BBS12: variants seen among roughly 807,000 people sequenced by gnomAD.
The protein encoded by BBS12 is chaperonin-containing T-complex member BBS12.
Under a neutral mutation model 5.6 loss-of-function variants are expected in BBS12, and 5 were observed. The ratio of observed to expected loss-of-function variants is 0.89; its 90% confidence interval spans 0.46 to 1.86. BBS12 has a LOEUF of 1.86. Among genes scored for constraint, BBS12 ranks in the 40% most tolerant of loss-of-function variants. The pLI is 0.01. For missense variants in BBS12, 748 were observed against 830.4 expected (o/e 0.90, Z 1.22); for synonymous variants, 308 against 306.8 (o/e 1.00, Z -0.04).
In BBS12 at chr4:122,743,818, AC is replaced by A; in HGVS notation, c.1927del (p.Leu643Ter). The A allele has an allele frequency of 6.2e-7, 1 of 1,608,874 alleles. No homozygotes were observed. The highest frequency in any genetic ancestry group is 2.2e-5 in the East Asian group (1 of 44,874). ...CTTACATCTTGAATGAATATAGTAA[AC>A]TAAATAGTAGAATTTTTAATTCAGA... The part of the protein sequence containing the change: ...SSYILNEYSK[L>X]NSRIFNSDIS... On this transcript the variant is annotated frameshift_variant, in exon 2 of 2. Transcript: ENST00000314218. LOFTEE classifies it high-confidence loss of function.
rs754293872 is a variant in BBS12 at position 122,742,755 on chromosome 4, A to C, written c.863A>C (p.Glu288Ala). Reference sequence around the variant, plus strand: ...CACAGCAGCATGAAGTTAGTAGAAGAAGCAGTACAGCTGCAATATCAGAAT... The same window carrying C: ...CACAGCAGCATGAAGTTAGTAGAAGCAGCAGTACAGCTGCAATATCAGAAT... ...GDHSSMKLVEEAVQLQYQNAC... is the reference protein window; with the variant it reads ...GDHSSMKLVEAAVQLQYQNAC... Residue 288 changes from glutamate to alanine, a missense_variant, in exon 2 of 2, where the codon GAA becomes GCA. Coordinates refer to ENST00000314218, the MANE Select transcript of BBS12 (RefSeq NM_152618.3). The C allele has an allele frequency of 2.5e-6, 4 of 1,614,132 alleles. No homozygotes were observed. In the African/African-American group the frequency reaches 4.0e-5, roughly 16 times the overall value.
At chr4:122,701,588 G>A in the BBS12 span, among the ~76,000 whole-genome samples, 4 of 152,188 alleles carry the variant, frequency 2.6e-5, no homozygotes, top group East Asian at 1.9e-4. Flanking sequence ...CATTAATAGT[G>A]ATGAATACCT....
intron 1 of BBS12, chr4:122,734,155 G>C (rs901866352): frequency 6.6e-6 from 1 of 152,046 alleles, no homozygotes; most frequent in African/African-American, 2.4e-5. Flanking sequence ...AAATTAAAAT[G>C]GCACAAATCC....
the BBS12 span, among the ~76,000 whole-genome samples, chr4:122,711,328 C>A: frequency 6.7e-6 from 1 of 148,588 alleles, no homozygotes; most frequent in African/African-American, 2.5e-5. Context: ...CCGTTTAAAT[C>A]ATTTTTAAGG....
At chr4:122,738,968 A>T (rs555965304) in intron 1 of BBS12, among the ~76,000 whole-genome samples, 12 of 152,350 alleles carry the variant, frequency 7.9e-5, no homozygotes, top group African/African-American at 2.9e-4. Context: ...GTAATTAGCT[A>T]AAGTGAGGTC....
chr4:122,715,044 T>C, the BBS12 span, among the ~76,000 whole-genome samples: 3 of 151,898 alleles, frequency 2.0e-5, no homozygotes, highest in African/African-American at 7.3e-5. Context: ...AATAAAGACT[T>C]GAAGGAGAAT....
chr4:122,727,544 ATTTTTT>A, the BBS12 span, among the ~76,000 whole-genome samples: 8 of 82,302 alleles, frequency 9.7e-5, no homozygotes, highest in Non-Finnish European at 1.7e-4. Flanking sequence ...CCCCTGGCCA[ATTTTTT>A]TTTTTTTTTT....
upstream of BBS12, chr4:122,731,297 A>C (rs1449056532): frequency 6.6e-6 from 1 of 152,228 alleles, no homozygotes; most frequent in Non-Finnish European, 1.5e-5. Flanking sequence ...TATGTTGCTG[A>C]ATTAAAGGCT....
At chr4:122,727,953 T>C (rs1196207851), upstream of BBS12, among the ~76,000 whole-genome samples, 1 of 152,158 alleles carries the variant, frequency 6.6e-6, no homozygotes, top group Non-Finnish European at 1.5e-5. Context: ...AAACACTCAA[T>C]GCCTCTCATA....
At chr4:122,727,742 C>G (rs1030337530), upstream of BBS12, among the ~76,000 whole-genome samples, 5 of 151,518 alleles carry the variant, frequency 3.3e-5, no homozygotes, top group African/African-American at 4.9e-5. Flanking sequence ...TTAGTAGAGA[C>G]GGGGTTTCAC....
the BBS12 span, among the ~76,000 whole-genome samples, chr4:122,716,877 C>A: frequency 3.3e-5 from 5 of 152,172 alleles, no homozygotes; most frequent in African/African-American, 1.2e-4. Context: ...TATATAATTT[C>A]TTTACATTTT....
intron 1 of BBS12, among the ~76,000 whole-genome samples, chr4:122,737,039 A>G (rs1800792264): frequency 6.6e-6 from 1 of 152,312 alleles, no homozygotes; most frequent in Non-Finnish European, 1.5e-5. Context: ...TGCCTTTTGT[A>G]TCTAGGAAAC....
the BBS12 span, among the ~76,000 whole-genome samples, chr4:122,700,465 A>G: frequency 6.6e-6 from 1 of 152,200 alleles, no homozygotes; most frequent in East Asian, 1.9e-4. Flanking sequence ...GTTGCAAGTA[A>G]GGGAGCACAG....
the BBS12 span, among the ~76,000 whole-genome samples, chr4:122,713,418 G>C: frequency 5.9e-4 from 90 of 152,182 alleles, no homozygotes; most frequent in African/African-American, 2.0e-3. Flanking sequence ...CTTGAGCCCA[G>C]GAGTTCAAGG....
chr4:122,734,175 TTTGAG>T (rs1800749531), intron 1 of BBS12: 2 of 152,266 alleles, frequency 1.3e-5, no homozygotes, highest in Admixed American at 1.3e-4. Flanking sequence ...CAAGATAATT[TTTGAG>T]TTAAGTAAAA....
At chr4:122,714,756 C>A in the BBS12 span, among the ~76,000 whole-genome samples, 1 of 151,962 alleles carries the variant, frequency 6.6e-6, no homozygotes, top group Admixed American at 6.6e-5. Flanking sequence ...ATAAATAAAT[C>A]TCAAAAATAT....
the BBS12 span, among the ~76,000 whole-genome samples, chr4:122,721,874 G>A: frequency 6.6e-6 from 1 of 152,138 alleles, no homozygotes; most frequent in Non-Finnish European, 1.5e-5. Context: ...CAAGGGGAGG[G>A]AAATTAAGCC....
chr4:122,738,638 G>A (rs72671080), intron 1 of BBS12, among the ~76,000 whole-genome samples: 23,111 of 152,144 alleles, frequency 0.15, 2,900 homozygotes, highest in East Asian at 0.65. Flanking sequence ...TGTCCAGAAT[G>A]TATAAGGAAC....
rs1800936312 is a variant in BBS12 at position 122,743,779 on chromosome 4, T to C, written c.1887T>C (p.Ser629=). 6.2e-7 allele frequency: 1 copy of C among 1,613,978 alleles called. No homozygotes were observed. Among genetic ancestry groups the C allele is most frequent in the African/African-American group, 1.3e-5 (1 of 74,942 alleles). ...ATCATCTGCAAAATGCCACAGACTC[T>C]GGCTCTCCTTCATCTTACATCTTGA... ...IQHHLQNATD[S]GSPSSYILNE... The change falls in exon 2 of 2, where the codon TCT becomes TCC. Residue 629 remains serine, a synonymous_variant. Transcript: ENST00000314218.
Sources: gnomAD v4.1 joint callset for allele counts (sites outside exome capture counted in the v4.1 genomes callset) on GRCh38, gnomAD v4.1.1 for gene constraint, MANE v1.5 for transcripts, NCBI Gene and HGNC (gene_info 2026-07-23, HGNC 2026-07-21) for gene names.